SLC10A7: variants seen among roughly 807,000 people sequenced by gnomAD.
SLC10A7 encodes the protein solute carrier family 10 member 7.
In SLC10A7, 29 loss-of-function variants were observed where a neutral mutation model predicts 43.2. The ratio of observed to expected loss-of-function variants is 0.67; its 90% CI spans 0.50 to 0.92. The LOEUF (loss-of-function observed/expected upper bound fraction) is 0.92, where lower values mean the gene tolerates loss of function less well. SLC10A7 is among the 40% of genes least tolerant of loss of function. The pLI, the probability that SLC10A7 is intolerant of heterozygous loss-of-function variation, is 0.00. For missense variants in SLC10A7, 295 were observed against 403.2 expected (o/e 0.73, Z 2.30); for synonymous variants, 152 against 144.8 (o/e 1.05, Z -0.35).
intron 4 of SLC10A7, among the ~76,000 whole-genome samples, chr4:146,444,267 C>T (rs920871879): frequency 6.6e-6 from 1 of 152,108 alleles, no homozygotes; most frequent in Non-Finnish European, 1.5e-5. Context: ...TATTTAGATC[C>T]TATTTTGTGC....
At chr4:146,276,029 C>T (rs866440351) in intron 10 of SLC10A7, among the ~76,000 whole-genome samples, 1 of 152,084 alleles carries the variant, frequency 6.6e-6, no homozygotes, top group African/African-American at 2.4e-5. Context: ...GGATCACTCC[C>T]GCACATCCCT....
chr4:146,317,866 C>A (rs1732430732), intron 6 of SLC10A7, among the ~76,000 whole-genome samples: 1 of 152,000 alleles, frequency 6.6e-6, no homozygotes, highest in African/African-American at 2.4e-5. Flanking sequence ...ATTCTCAGTC[C>A]TTTGGCCTTG....
At chr4:146,505,122 T>C (rs972355429) in intron 3 of SLC10A7, among the ~76,000 whole-genome samples, 2 of 152,148 alleles carry the variant, frequency 1.3e-5, no homozygotes, top group African/African-American at 4.8e-5. Flanking sequence ...AAGGTTACAG[T>C]TGGCCATTTA....
intron 4 of SLC10A7, among the ~76,000 whole-genome samples, chr4:146,487,715 T>C (rs1461423353): frequency 6.6e-6 from 1 of 152,150 alleles, no homozygotes; most frequent in Non-Finnish European, 1.5e-5. Flanking sequence ...ATAAAAGCAG[T>C]CCTATGTACT....
intron 5 of SLC10A7, among the ~76,000 whole-genome samples, chr4:146,407,019 G>A (rs1007921043): frequency 4.6e-5 from 7 of 151,922 alleles, no homozygotes; most frequent in African/African-American, 1.7e-4. Context: ...ACAAAAAAGT[G>A]TTTACTGTGT....
At chr4:146,457,544 C>T (rs1229025265) in intron 4 of SLC10A7, among the ~76,000 whole-genome samples, 3 of 151,832 alleles carry the variant, frequency 2.0e-5, no homozygotes, top group Non-Finnish European at 2.9e-5. Flanking sequence ...AACTCATATA[C>T]CACACAAAAA....
Position 146,476,371 on chromosome 4 carries a change from T to C in SLC10A7, c.396+27478A>G, listed in dbSNP as rs556384113. Among the ~76,000 whole-genome samples, 204 of 152,246 alleles carry C rather than the reference T, an allele frequency of 1.3e-3. 2 individuals carry two copies. The highest frequency in any genetic ancestry group is 6.8e-3 in the Middle Eastern group (2 of 294). ...CGAGAGGCAGGGCACCAATGGCCAA[T>C]GCAAAATAAATACATTAAGAAGTAA... On this transcript the variant is annotated intron_variant, in intron 4 of 11. Transcript: ENST00000335472.
chr4:146,463,462 G>T (rs1732718252), intron 4 of SLC10A7, among the ~76,000 whole-genome samples: 1 of 152,064 alleles, frequency 6.6e-6, no homozygotes, highest in Admixed American at 6.6e-5. Flanking sequence ...ATTTATCTCA[G>T]AAAATAATTC....
chr4:146,431,527 G>GA (rs375018476), intron 5 of SLC10A7, among the ~76,000 whole-genome samples: 2 of 151,958 alleles, frequency 1.3e-5, no homozygotes, highest in Non-Finnish European at 2.9e-5. Context: ...TAAAGGCAAT[G>GA]AAAAAATCCA....
chr4:146,270,170 C>A (rs1427918900), intron 10 of SLC10A7, among the ~76,000 whole-genome samples: 1 of 152,186 alleles, frequency 6.6e-6, no homozygotes, highest in Non-Finnish European at 1.5e-5. Flanking sequence ...TGATAATCTA[C>A]TCTTGGCCTT....
At chr4:146,511,541 T>C (rs2150047404) in intron 2 of SLC10A7, among the ~76,000 whole-genome samples, 1 of 152,320 alleles carries the variant, frequency 6.6e-6, no homozygotes, top group East Asian at 1.9e-4. Flanking sequence ...CATTCGCTCA[T>C]CACCACATTC....
At chr4:146,323,915 T>TG (rs1732918753) in intron 6 of SLC10A7, among the ~76,000 whole-genome samples, 1 of 152,178 alleles carries the variant, frequency 6.6e-6, no homozygotes, top group African/African-American at 2.4e-5. Flanking sequence ...ATTGTATATC[T>TG]AGAAAACCCC....
intron 10 of SLC10A7, 31 bp downstream of exon 10, chr4:146,283,161 T>C (rs1293584189): frequency 2.6e-6 from 4 of 1,518,242 alleles, no homozygotes; most frequent in South Asian, 2.3e-5. Context: ...ATGAGGGTAA[T>C]AGGTGGTTTT....
chr4:146,472,116 A>C (rs1733620099), intron 4 of SLC10A7, among the ~76,000 whole-genome samples: 1 of 152,234 alleles, frequency 6.6e-6, no homozygotes, highest in African/African-American at 2.4e-5. Context: ...AATATAGTGG[A>C]ATAACTGAGG....
At chr4:146,366,260 A>C (rs1414163531) in intron 5 of SLC10A7, among the ~76,000 whole-genome samples, 5 of 152,340 alleles carry the variant, frequency 3.3e-5, no homozygotes, top group African/African-American at 1.2e-4. Context: ...CTGATTTTTT[A>C]AAAGGTATAT....
chr4:146,498,138 G>A (rs1259084166), intron 4 of SLC10A7, among the ~76,000 whole-genome samples: 4 of 147,034 alleles, frequency 2.7e-5, no homozygotes, highest in Admixed American at 2.0e-4. Context: ...TTTATTTTGA[G>A]ACGGAGTCTC....
At position 146,515,983 on chromosome 4, in the gene SLC10A7, T is replaced by C. The variant is rs555105842; in HGVS notation, c.183+1055A>G. Among the ~76,000 whole-genome samples the C allele has an allele frequency of 2.0e-5, 3 of 151,072 alleles. No homozygotes were observed. The East Asian group carries it at 5.8e-4, about 29-fold the overall frequency. On this transcript the variant is annotated intron_variant, in intron 2 of 11. Coordinates refer to ENST00000335472, the MANE Select transcript of SLC10A7 (RefSeq NM_001029998.6). ...CCGATGGCTACAGAATACATAAATT[T>C]AGTAAAGTCATATTTTTTCCATGTT...
At position 146,291,963 on chromosome 4, in the gene SLC10A7, AATTTGC is replaced by A. The variant is rs1459949618; in HGVS notation, c.773+960_773+965del. 3.9e-5 allele frequency among the ~76,000 whole-genome samples: 6 copies of A among 152,318 alleles called. No individual in the cohort carries two copies. The East Asian group carries it at 1.2e-3, about 29-fold the overall frequency. ...TTGTAACGTATAATAAAGGTGGAAA[AATTTGC>A]ATTTGAGGTAAGCTTTTAAGAACAG... On this transcript the variant is annotated intron_variant, in intron 9 of 11. Coordinates refer to ENST00000335472, the MANE Select transcript of SLC10A7 (RefSeq NM_001029998.6).
At chr4:146,426,685 C>G (rs2149859576) in intron 5 of SLC10A7, among the ~76,000 whole-genome samples, 1 of 152,248 alleles carries the variant, frequency 6.6e-6, no homozygotes, top group South Asian at 2.1e-4. Flanking sequence ...ACCATACTGG[C>G]TAATACGGTG....
Sources: allele counts gnomAD v4.1 joint callset (sites outside exome capture counted in the v4.1 genomes callset), GRCh38; gene constraint gnomAD v4.1.1; transcripts MANE v1.5; gene names NCBI Gene and HGNC (gene_info 2026-07-23, HGNC 2026-07-21).